The following FMNL2 variants were observed in gnomAD, a reference collection of about 807,000 sequenced individuals.
The protein encoded by FMNL2 is formin-like protein 2.
Under a neutral mutation model 130.2 loss-of-function variants are expected in FMNL2, and 51 were observed. That is an observed-to-expected ratio of 0.39 (90% CI 0.31 to 0.49). The LOEUF is 0.49. Ranked by LOEUF, FMNL2 falls within the 20% of genes least tolerant of loss-of-function variation. The pLI is 0.85. For synonymous variants in FMNL2, 465 were observed against 467.1 expected (o/e 1.00, Z 0.06); for missense variants, 977 against 1,316.2 (o/e 0.74, Z 3.99).
chr2:152,445,826 G>A (rs1442153057), intron 1 of FMNL2, among the ~76,000 whole-genome samples: 1 of 152,180 alleles, frequency 6.6e-6, no homozygotes, highest in East Asian at 1.9e-4. Flanking sequence ...AGATAGAATT[G>A]CCATCAGCCA....
intron 9 of FMNL2, among the ~76,000 whole-genome samples, chr2:152,589,836 TTCTACTCCC>T (rs1308174129): frequency 1.3e-5 from 2 of 151,096 alleles, no homozygotes; most frequent in Non-Finnish European, 2.9e-5. Context: ...TTCCCTGCTC[TTCTACTCCC>T]TCACTCCTGG....
Position 152,594,474 on chromosome 2 carries a change from A to G in FMNL2, c.877-12865A>G, listed in dbSNP as rs200801216. ...CCGGCCTAAGTTCCCTTTTATGACT[A>G]CTTGGAAGGTGGCTGCGTCAATCCC... is the stretch of plus-strand genomic sequence containing the variant. On this transcript the variant is annotated intron_variant, in intron 9 of 25. Transcript: ENST00000288670. Among the ~76,000 whole-genome samples the G allele has an allele frequency of 3.3e-5, 5 of 152,186 alleles. No individual in the cohort carries two copies. In the East Asian group the frequency reaches 7.7e-4, roughly 23 times the overall value.
intron 1 of FMNL2, among the ~76,000 whole-genome samples, chr2:152,373,347 G>C (rs1560308666): frequency 6.6e-6 from 1 of 152,216 alleles, no homozygotes; most frequent in African/African-American, 2.4e-5. Context: ...TGAACAGTTG[G>C]GGGGAGTTTT....
intron 1 of FMNL2, among the ~76,000 whole-genome samples, chr2:152,456,585 C>T (rs955213211): frequency 1.3e-5 from 2 of 152,234 alleles, no homozygotes; most frequent in South Asian, 4.1e-4. Context: ...GATTCAAGAC[C>T]GATTTATAAT....
At chr2:152,515,910 G>A (rs893660820) in intron 1 of FMNL2, among the ~76,000 whole-genome samples, 3 of 152,098 alleles carry the variant, frequency 2.0e-5, no homozygotes, top group Non-Finnish European at 4.4e-5. Flanking sequence ...ACTGTGGGGT[G>A]TTTACTAATT....
intron 1 of FMNL2, among the ~76,000 whole-genome samples, chr2:152,509,956 C>T (rs1191768287): frequency 1.3e-5 from 2 of 151,762 alleles, no homozygotes; most frequent in Admixed American, 6.6e-5. Flanking sequence ...ACTATGTTGC[C>T]CAGGCTGGTC....
intron 1 of FMNL2, among the ~76,000 whole-genome samples, chr2:152,484,748 T>G (rs894247216): frequency 9.9e-5 from 15 of 152,148 alleles, no homozygotes; most frequent in African/African-American, 3.6e-4. Flanking sequence ...GGTGACAGAG[T>G]GAGACCCTGT....
intron 1 of FMNL2, among the ~76,000 whole-genome samples, chr2:152,460,802 C>T (rs1037788031): frequency 1.3e-5 from 2 of 152,172 alleles, no homozygotes; most frequent in Non-Finnish European, 2.9e-5. Flanking sequence ...TGATCTGTTA[C>T]CGTCTCCCAT....
intron 1 of FMNL2, among the ~76,000 whole-genome samples, chr2:152,392,424 C>T (rs1039033719): frequency 6.6e-6 from 1 of 152,094 alleles, no homozygotes; most frequent in Admixed American, 6.5e-5. Context: ...CTGTTCTGTG[C>T]TGTAATGACA....
intron 1 of FMNL2, among the ~76,000 whole-genome samples, chr2:152,382,651 C>T (rs1684537339): frequency 2.7e-5 from 4 of 147,794 alleles, no homozygotes; most frequent in African/African-American, 1.0e-4. Flanking sequence ...ACCATACACA[C>T]CCACACCAAG....
chr2:152,452,206 A>G (rs1404231058), intron 1 of FMNL2, among the ~76,000 whole-genome samples: 3 of 152,164 alleles, frequency 2.0e-5, no homozygotes, highest in Non-Finnish European at 2.9e-5. Context: ...CCCGAAAGAC[A>G]GTTGAGGGAC....
chr2:152,518,503 G>A (rs1030666960), intron 1 of FMNL2, among the ~76,000 whole-genome samples: 1 of 152,162 alleles, frequency 6.6e-6, no homozygotes, highest in Admixed American at 6.5e-5. Context: ...GCCCACTTGA[G>A]TGCTCTCTTG....
At chr2:152,410,368 T>A (rs1374823824) in intron 1 of FMNL2, among the ~76,000 whole-genome samples, 3 of 152,228 alleles carry the variant, frequency 2.0e-5, no homozygotes, top group Non-Finnish European at 4.4e-5. Flanking sequence ...ACAGTGATAG[T>A]CATTGATTGA....
chr2:152,589,352 G>A (rs907498801), intron 9 of FMNL2, among the ~76,000 whole-genome samples: 1 of 152,128 alleles, frequency 6.6e-6, no homozygotes, highest in Non-Finnish European at 1.5e-5. Context: ...CAGGGTGTTA[G>A]GGTGTTGCTG....
rs139669279 is a variant in FMNL2, at chr2:152,427,992, A to G, written c.117+92272A>G. Among the ~76,000 whole-genome samples the G allele has an allele frequency of 5.3e-4, 81 of 152,332 alleles. 1 individual carries two copies. The East Asian group carries it at 0.015, about 28-fold the overall frequency. On this transcript the variant is annotated intron_variant, in intron 1 of 25. Coordinates refer to ENST00000288670, the MANE Select transcript of FMNL2 (RefSeq NM_052905.4). ...ACTGTGCTATACCTTGCCTTTTTCA[A>G]TTAACAGTATATAATGGAAACTTTG...
chr2:152,549,612 T>C (rs548061542), intron 4 of FMNL2, among the ~76,000 whole-genome samples: 122 of 152,318 alleles, frequency 8.0e-4, no homozygotes, highest in Middle Eastern at 3.4e-3. Flanking sequence ...CTCAGGACCA[T>C]GAAGTGTAAA....
chr2:152,549,215 T>A, intron 4 of FMNL2, 118 bp downstream of exon 4: 1 of 611,978 alleles, frequency 1.6e-6, no homozygotes, highest in Non-Finnish European at 2.6e-6. Context: ...AAGACTGAGG[T>A]TTTAGTAGAT....
At chr2:152,596,417 A>G (rs1697777686) in intron 9 of FMNL2, among the ~76,000 whole-genome samples, 1 of 152,164 alleles carries the variant, frequency 6.6e-6, no homozygotes, top group South Asian at 2.1e-4. Context: ...CTTGCAAGGA[A>G]TTTTACTATT....
chr2:152,643,574 C>T, intron 25 of FMNL2: 1 of 1,532,296 alleles, frequency 6.5e-7, no homozygotes, highest in Non-Finnish European at 8.7e-7. Flanking sequence ...TGTCTTATGT[C>T]CCCCTCTGTG....
Sources: allele counts gnomAD v4.1 joint callset (sites outside exome capture counted in the v4.1 genomes callset), GRCh38; gene constraint gnomAD v4.1.1; transcripts MANE v1.5; gene names NCBI Gene and HGNC (gene_info 2026-07-23, HGNC 2026-07-21).